ITGA7: variants seen among roughly 807,000 people sequenced by gnomAD.
ITGA7 encodes integrin subunit alpha 7.
A neutral mutation model predicts 131.6 loss-of-function variants in ITGA7; 84 were observed. The ratio of observed to expected loss-of-function variants is 0.64; its 90% confidence interval spans 0.54 to 0.77. The LOEUF (loss-of-function observed/expected upper bound fraction) is 0.77, where lower values mean the gene tolerates loss of function less well. Ranked by LOEUF, ITGA7 falls within the 30% of genes least tolerant of loss-of-function variation. ITGA7 has a pLI of 0.00. For missense variants in ITGA7, 1,399 were observed against 1,482.9 expected, an observed-to-expected ratio of 0.94 and a Z score of 0.93; for synonymous variants, 548 against 600.7, an observed-to-expected ratio of 0.91 and a Z score of 1.28.
At chr12:55,695,225 T>C (rs1872378438) in intron 14 of ITGA7, 1 of 598,064 alleles carries the variant, frequency 1.7e-6, no homozygotes, top group Non-Finnish European at 3.0e-6. Flanking sequence ...TCTCCATCTA[T>C]AAAATGAGAC....
chr12:55,686,137 TCTC>T (rs1308242862), intron 24 of ITGA7: 15 of 896,058 alleles, frequency 1.7e-5, no homozygotes, highest in Non-Finnish European at 2.4e-5. Context: ...TGCTGGGAAT[TCTC>T]CTTATATTCA....
upstream of ITGA7, chr12:55,716,093 C>T: frequency 1.3e-6 from 2 of 1,589,182 alleles, no homozygotes; most frequent in Non-Finnish European, 1.7e-6. Context: ...GCTTCCGGAG[C>T]CGGAGGGGGC....
At position 55,688,785 on chromosome 12, in the gene ITGA7, G is replaced by A. The variant is rs1277199151; in HGVS notation, c.2958+59C>T. On this transcript the variant is annotated intron_variant, in intron 22 of 24. Transcript: ENST00000257879. ...AGTGAGGAAGGAGGAGGAGAAATGA[G>A]TCCTGGAGGGGCTTTGGAGGAAGAA... 2.3e-5 allele frequency: 29 copies of A among 1,265,830 alleles called. 1 individual carries two copies. In the South Asian group the frequency reaches 3.2e-4, roughly 14 times the overall value. 78.4% of individuals were successfully genotyped at this position (1,265,830 alleles called of 1,614,324 possible). A position where few individuals can be genotyped will look rare whatever the true frequency, so the allele number is the denominator to read the frequency against.
chr12:55,703,283 G>T, intron 1 of ITGA7, 105 bp from the exon 2 acceptor site: 1 of 1,264,444 alleles, frequency 7.9e-7, no homozygotes, highest in Non-Finnish European at 1.1e-6. Context: ...TAAAGAGAGT[G>T]TTCAAGGACT....
intron 4 of ITGA7, chr12:55,700,408 C>A: frequency 6.3e-7 from 1 of 1,597,652 alleles, no homozygotes; most frequent in Non-Finnish European, 8.5e-7. Flanking sequence ...AAGGACAGAC[C>A]TGTTAGTGCC....
At chr12:55,687,298 C>T (rs528262488) in intron 24 of ITGA7, among the ~76,000 whole-genome samples, 8 of 150,776 alleles carry the variant, frequency 5.3e-5, no homozygotes, top group Admixed American at 2.6e-4. Context: ...CTGTCTCAGC[C>T]TCCCAAGTAG....
At chr12:55,700,713 G>T in intron 4 of ITGA7, 186 bp downstream of exon 4, 2 of 769,038 alleles carry the variant, frequency 2.6e-6, no homozygotes, top group Non-Finnish European at 4.2e-6. Context: ...ACTTGGCCGT[G>T]CGAGGGAAAG....
upstream of ITGA7, chr12:55,715,981 C>T (rs1876480561): frequency 2.0e-6 from 3 of 1,467,732 alleles, no homozygotes; most frequent in Non-Finnish European, 2.7e-6. Flanking sequence ...ACCTCTCTTC[C>T]CCGCCAAGAT....
At chr12:55,710,893 G>T (rs1045864301), upstream of ITGA7, among the ~76,000 whole-genome samples, 3 of 152,142 alleles carry the variant, frequency 2.0e-5, no homozygotes, top group Non-Finnish European at 4.4e-5. Context: ...CAAACATAAA[G>T]GAATAGCACA....
chr12:55,695,627 AG>A lies in ITGA7; in HGVS notation c.1897del (p.Leu633Ter). On this transcript the variant is annotated frameshift_variant, in exon 14 of 25. Coordinates refer to ENST00000257879, the MANE Select transcript of ITGA7 (RefSeq NM_002206.3). LOFTEE classifies it high-confidence loss of function. Reference protein sequence around the residue: ...PSTQRAEIHFLKQGCGEDKIC... With the variant: ...PSTQRAEIHFXKQGCGEDKIC... Reference sequence around the variant, plus strand: ...CTTGTCTTCACCACAGCCTTGCTTCAGGAAGTGGATCTGGGGAGAGACATGA... The same window carrying A: ...CTTGTCTTCACCACAGCCTTGCTTCAGAAGTGGATCTGGGGAGAGACATGA... 1 of 1,613,340 alleles carries A rather than the reference AG, an allele frequency of 6.2e-7. No individual in the cohort carries two copies. The highest frequency in any genetic ancestry group is 8.5e-7 in the Non-Finnish European group (1 of 1,179,348).
At chr12:55,700,775 C>T (rs1369594683) in intron 4 of ITGA7, 124 bp downstream of exon 4, 1 of 1,257,634 alleles carries the variant, frequency 8.0e-7, no homozygotes, top group East Asian at 2.3e-5. Context: ...GAAGGCATGG[C>T]AGTGCCCTGG....
In ITGA7 at chr12:55,694,679, A is replaced by C; in HGVS notation, c.2213T>G (p.Leu738Arg). 1 of 1,614,162 alleles carries C rather than the reference A, an allele frequency of 6.2e-7. No homozygotes were observed. The highest frequency in any genetic ancestry group is 8.5e-7 in the Non-Finnish European group (1 of 1,180,016). Residue 738 changes from leucine (L) to arginine (R), a missense_variant, in exon 16 of 25, where the codon CTG (leucine) becomes CGG (arginine). By Grantham distance (102) the Leu-to-Arg change is moderately radical (BLOSUM62 -2). Transcript: ENST00000257879. This position sits in a 1 kb window ranked among gnomAD's most constrained non-coding sequence, Gnocchi z 5.3. ...ALDPAEKPLC[L>R]SNENASHVEC... ...AACATGGGAGGCATTCTCATTGGAC[A>C]GGCAGAGTGGCTTCTCCTGGAATGG...
rs199699185 is a variant in ITGA7, at chr12:55,698,901, C to T, written c.807G>A (p.Ser269=). Residue 269 remains serine, a synonymous_variant, in exon 6 of 25, where the codon TCG becomes TCA. Transcript: ENST00000257879. ...CTTCTGCACGCACCAGACCTTTCCCCGAGTCAATAGAGAAGCCTGGGGGAA... is the reference window on the plus strand; with the variant it reads ...CTTCTGCACGCACCAGACCTTTCCCTGAGTCAATAGAGAAGCCTGGGGGAA... The part of the protein sequence containing the change: ...LNSYLGFSID[S]GKGLVRAEEL... 3.5e-5 allele frequency: 56 copies of T among 1,612,492 alleles called. No individual in the cohort carries two copies. In the East Asian group the frequency reaches 6.9e-4, roughly 20 times the overall value.
In ITGA7 at chr12:55,687,638, G is replaced by A. The variant is rs146389149; in HGVS notation, c.3183+333C>T. ...CCCAAGTAGCTGGATCTACAGGTGC[G>A]TGCCACCACGCCCAGCTAATTTTGT... On this transcript the variant is annotated intron_variant, in intron 24 of 24. Coordinates refer to ENST00000257879, the MANE Select transcript of ITGA7 (RefSeq NM_002206.3). 1.1e-3 allele frequency among the ~76,000 whole-genome samples: 164 copies of A among 151,386 alleles called. 1 individual carries two copies. The highest frequency in any genetic ancestry group is 3.9e-3 in the African/African-American group (160 of 41,178).
chr12:55,700,456 C>A, intron 4 of ITGA7: 3 of 1,544,822 alleles, frequency 1.9e-6, no homozygotes. Flanking sequence ...AGGCCGGACA[C>A]TGAGTTAGAC....
Position 55,694,725 on chromosome 12 carries a change from T to G in ITGA7, c.2197-30A>C. On this transcript the variant is annotated intron_variant, in intron 15 of 24. Transcript: ENST00000257879. This position sits in a 1 kb window ranked among gnomAD's most constrained non-coding sequence, Gnocchi z 5.3. Reference sequence around the variant, plus strand: ...AATGGGAGAGAAGGCAAGGTCAGTCTGGGTTACTGGAGCCCCTCAAGACCC... The same window carrying G: ...AATGGGAGAGAAGGCAAGGTCAGTCGGGGTTACTGGAGCCCCTCAAGACCC... The G allele has an allele frequency of 6.2e-7, 1 of 1,614,002 alleles. No homozygotes were observed.
chr12:55,691,668 A>G (rs1871442368), intron 21 of ITGA7, among the ~76,000 whole-genome samples: 3 of 152,228 alleles, frequency 2.0e-5, no homozygotes, highest in African/African-American at 7.2e-5. Context: ...TCCCATTTAA[A>G]AGGGAGGCCT....
At chr12:55,712,668 C>T (rs757632835), upstream of ITGA7, among the ~76,000 whole-genome samples, 4 of 152,158 alleles carry the variant, frequency 2.6e-5, no homozygotes, top group African/African-American at 7.2e-5. Flanking sequence ...GATATGTATG[C>T]GACTTGTGTC....
intron 3 of ITGA7, 72 bp downstream of exon 3, chr12:55,702,800 G>T (rs916371800): frequency 7.8e-7 from 1 of 1,278,230 alleles, no homozygotes; most frequent in Non-Finnish European, 1.1e-6. Flanking sequence ...ACACCTATGC[G>T]TATGCACACA....
Sources: allele counts gnomAD v4.1 joint callset (sites outside exome capture counted in the v4.1 genomes callset), GRCh38; gene constraint gnomAD v4.1.1; non-coding constraint Gnocchi (gnomAD v3.1); transcripts MANE v1.5; gene names NCBI Gene and HGNC (gene_info 2026-07-23, HGNC 2026-07-21).